HSPG2: variants seen among roughly 807,000 people sequenced by gnomAD.
The protein encoded by HSPG2 is heparan sulfate proteoglycan 2.
A neutral mutation model predicts 526.6 loss-of-function variants in HSPG2; 278 were observed. The observed-to-expected ratio is 0.53, with a 90% confidence interval of 0.48 to 0.58. HSPG2 has a LOEUF of 0.58. Among genes scored for constraint, HSPG2 ranks in the 20% least tolerant of loss-of-function variants. The probability of loss-of-function intolerance (pLI) is 0.00; values close to 1 mark genes in which losing one functional copy is unlikely to be tolerated. For synonymous variants in HSPG2, 2,465 were observed against 2,555.4 expected, an observed-to-expected ratio of 0.96 and a Z score of 1.07; for missense variants, 5,354 against 6,099.5, an observed-to-expected ratio of 0.88 and a Z score of 4.07.
At chr1:21,832,831 A>G in intron 80 of HSPG2, 2 of 594,110 alleles carry the variant, frequency 3.4e-6, no homozygotes, top group South Asian at 4.1e-5. Context: ...TGCTTCACAC[A>G]CACTGGAGTC....
chr1:21,845,704 C>A (rs1489433382), intron 64 of HSPG2, among the ~76,000 whole-genome samples: 1 of 152,138 alleles, frequency 6.6e-6, no homozygotes, highest in Non-Finnish European at 1.5e-5. Context: ...AATCACCCTC[C>A]AATACTCGCA....
Position 21,885,131 on chromosome 1 carries a change from G to A in HSPG2, c.1237C>T (p.Arg413Trp), listed in dbSNP as rs745376918. Residue 413 changes from arginine (R) to tryptophan (W), a missense_variant, in exon 11 of 97, where the codon CGG becomes TGG. Transcript: ENST00000374695. Reference sequence around the variant, plus strand: ...CCCCGGGAAGCCTGGATGGACTCCCGGGGAGGTGTCACCACCTGGGGGGGC... The same window carrying A: ...CCCCGGGAAGCCTGGATGGACTCCCAGGGAGGTGTCACCACCTGGGGGGGC... ...CMPPQVVTPP[R>W]ESIQASRGQT... is the part of the protein sequence containing the mutation. The A allele has an allele frequency of 5.0e-5, 80 of 1,610,692 alleles. No individual in the cohort carries two copies. The highest frequency in any genetic ancestry group is 2.5e-4 in the East Asian group (11 of 44,804).
rs150648539 is a variant in HSPG2 at position 21,884,597 on chromosome 1, C to A, written c.1585G>T (p.Val529Leu). The A allele has an allele frequency of 1.2e-6, 2 of 1,610,786 alleles. No homozygotes were observed. Among genetic ancestry groups the A allele is most frequent in the East Asian group, 4.5e-5 (2 of 44,872 alleles). The change falls in exon 13 of 97, where the codon GTG becomes TTG. Residue 529 changes from valine to leucine, a missense_variant. Transcript: ENST00000374695. ...LPCFCFGITS[V>L]CQSTRRFRDQ... ...CGGAAGCGGCGGGTGCTCTGGCACA[C>A]GCTGGTGATGCCAAAGCAGAAGCAG...
At chr1:21,845,997 C>T (rs1638400539) in intron 64 of HSPG2, 111 bp downstream of exon 64, 5 of 1,302,392 alleles carry the variant, frequency 3.8e-6, no homozygotes, top group Admixed American at 1.7e-5. Context: ...GGAATCAGAG[C>T]GGCAGTTCTC....
chr1:21,860,728 G>A (rs1472074747), intron 39 of HSPG2, among the ~76,000 whole-genome samples: 8 of 151,992 alleles, frequency 5.3e-5, no homozygotes, highest in Non-Finnish European at 8.8e-5. Flanking sequence ...CTCATGATCC[G>A]CCCACCTCAG....
At chr1:21,891,071 G>T (rs1642325462) in intron 3 of HSPG2, among the ~76,000 whole-genome samples, 1 of 152,136 alleles carries the variant, frequency 6.6e-6, no homozygotes, top group African/African-American at 2.4e-5. Context: ...AGCCTTCCTC[G>T]GTCAGTTCCT....
chr1:21,937,155 C>T lies in HSPG2; in HGVS notation c.63G>A (p.Ala21=). Residue 21 remains alanine, a splice_region_variant and synonymous_variant, in exon 1 of 97, where the codon GCG becomes GCA. Transcript: ENST00000374695. ...LALLLHGRLL[A]VTHGLRAYDG... is the part of the protein sequence containing the mutation. ...CCGCCCCTCTGCCCCGCACACTCAC[C>T]GCCAGCAGCCGCCCGTGCAGCAGCA... 9.9e-7 allele frequency: 1 copy of T among 1,013,156 alleles called. No individual in the cohort carries two copies. The highest frequency in any genetic ancestry group is 1.2e-6 in the Non-Finnish European group (1 of 813,194). The allele number at this position is 1,013,156 out of a possible 1,614,324, so 62.8% of individuals were successfully genotyped here.
rs752745046 is a variant in HSPG2, at chr1:21,848,770, C to A, written c.7610G>T (p.Arg2537Leu). 6.2e-7 allele frequency: 1 copy of A among 1,613,638 alleles called. No homozygotes were observed. Among genetic ancestry groups the A allele is most frequent in the Non-Finnish European group, 8.5e-7 (1 of 1,179,994 alleles). ...SHSQGVAYPV[R>L]IESSSASLAN... ...CAGGGAGGCTGAGGAGGACTCGATG[C>A]GGACGGGGTACGCCACACCCTGGGC... The change falls in exon 59 of 97, where the codon CGC (arginine) becomes CTC (leucine). Residue 2537 changes from arginine (R) to leucine (L), a missense_variant. By Grantham distance (102) the Arg-to-Leu change is moderately radical. Coordinates refer to ENST00000374695, the MANE Select transcript of HSPG2 (RefSeq NM_005529.7). The surrounding 1 kb of genome is among the most constrained non-coding windows in gnomAD (Gnocchi z 4.9).
In HSPG2 at chr1:21,864,301, C is replaced by A. The variant is rs1293964631; in HGVS notation, c.4627-88G>T. The A allele has an allele frequency of 5.6e-6, 6 of 1,074,596 alleles. No individual in the cohort carries two copies. The highest frequency in any genetic ancestry group is 5.6e-6 in the Non-Finnish European group (4 of 714,332). The allele number at this position is 1,074,596 out of a possible 1,614,324, so 66.6% of individuals were successfully genotyped here. On this transcript the variant is annotated intron_variant, in intron 36 of 96. Transcript: ENST00000374695. This position sits in a 1 kb window ranked among gnomAD's most constrained non-coding sequence, Gnocchi z 4.8. ...CAGAACCCCTCCCTCCAGTGTCCTCCCAGGGGTGACCCTGGAACATCACAG... is the reference window on the plus strand; with the variant it reads ...CAGAACCCCTCCCTCCAGTGTCCTCACAGGGGTGACCCTGGAACATCACAG...
chr1:21,828,290 T>C lies in HSPG2; in HGVS notation c.12374A>G (p.Tyr4125Cys). Residue 4125 changes from tyrosine (Y) to cysteine (C), a missense_variant, in exon 89 of 97, where the codon TAT becomes TGT. Tyr to Cys is a radical substitution (Grantham distance 194). Transcript: ENST00000374695. This position sits in a 1 kb window ranked among gnomAD's most constrained non-coding sequence, Gnocchi z 6.0. ...ATCTCGACACAGGCACTGGAACTCA[T>C]ACTCGCCAGCGGGCATGCACGTGGC... ...HGATCMPAGE[Y>C]EFQCLCRDGF... is the part of the protein sequence containing the mutation. 2 of 1,613,768 alleles carry C rather than the reference T, an allele frequency of 1.2e-6. No individual in the cohort carries two copies. The highest frequency in any genetic ancestry group is 1.7e-6 in the Non-Finnish European group (2 of 1,180,018).
chr1:21,895,956 G>A lies in HSPG2; in HGVS notation c.210C>T (p.Gly70=). The change falls in exon 3 of 97, where the codon GGC becomes GGT. Residue 70 remains glycine, a synonymous_variant. Transcript: ENST00000374695. The surrounding 1 kb of genome is among the most constrained non-coding windows in gnomAD (Gnocchi z 4.1). The part of the protein sequence containing the change: ...LADSISGDDL[G]SGDLGSGDFQ... The stretch of plus-strand genomic sequence containing the variant: ...AGTCCCCGCTGCCCAGGTCCCCACT[G>A]CCCAGGTCGTCTATAAGCAAAAAAG... 6.2e-7 allele frequency: 1 copy of A among 1,614,104 alleles called. No homozygotes were observed. The highest frequency in any genetic ancestry group is 8.5e-7 in the Non-Finnish European group (1 of 1,179,954).
intron 74 of HSPG2, among the ~76,000 whole-genome samples, chr1:21,837,383 C>T (rs562361478): frequency 3.9e-5 from 6 of 152,168 alleles, no homozygotes; most frequent in South Asian, 2.1e-4. Flanking sequence ...CGGGTTCAAG[C>T]GATTCTCCTG....
chr1:21,932,269 G>A (rs1330861535), intron 1 of HSPG2, among the ~76,000 whole-genome samples: 1 of 152,172 alleles, frequency 6.6e-6, no homozygotes, highest in Non-Finnish European at 1.5e-5. Context: ...CCCACGACAA[G>A]CACATGGGGC....
chr1:21,859,832 T>C lies in HSPG2; in HGVS notation c.5182+3A>G. ...GGGCTGAGGAGCCTAGGGCCATGGG[T>C]ACCTTGATGTCGCTGCTGGGTGCCG... On this transcript the variant is annotated splice_donor_region_variant and intron_variant, in intron 41 of 96. Coordinates refer to ENST00000374695, the MANE Select transcript of HSPG2 (RefSeq NM_005529.7). The surrounding 1 kb of genome is among the most constrained non-coding windows in gnomAD (Gnocchi z 5.3). The C allele has an allele frequency of 1.2e-6, 2 of 1,611,064 alleles. No homozygotes were observed. Among genetic ancestry groups the C allele is most frequent in the Non-Finnish European group, 8.5e-7 (1 of 1,179,502 alleles).
At chr1:21,851,751 T>G (rs1269749009) in intron 54 of HSPG2, 40 bp downstream of exon 54, 1 of 1,614,016 alleles carries the variant, frequency 6.2e-7, no homozygotes, top group Admixed American at 1.7e-5. Context: ...CACTCCAGCC[T>G]GTTCTCTGCA....
chr1:21,826,440 G>A (rs1314916466), intron 91 of HSPG2, among the ~76,000 whole-genome samples: 1 of 151,956 alleles, frequency 6.6e-6, no homozygotes, highest in Non-Finnish European at 1.5e-5. Context: ...CTGGGCTCAA[G>A]CAATCTGCCC....
In HSPG2 at chr1:21,834,722, G is replaced by A. The variant is rs138049720; in HGVS notation, c.10677C>T (p.Asn3559=). The part of the protein sequence containing the change: ...DAGQYRCTAT[N]AAGTTQSHVL... ...CGTGGGATTGTGTGGTGCCAGCTGC[G>A]TTGGTGGCAGTGCAGCGATACTGTC... The change falls in exon 77 of 97, where the codon AAC becomes AAT. Residue 3559 remains asparagine (N), a synonymous_variant. Coordinates refer to ENST00000374695, the MANE Select transcript of HSPG2 (RefSeq NM_005529.7). The A allele has an allele frequency of 3.2e-3, 5,235 of 1,614,174 alleles. 11 individuals are homozygous for A. The highest frequency in any genetic ancestry group is 4.1e-3 in the Non-Finnish European group (4,823 of 1,180,042).
intron 86 of HSPG2, 49 bp from the exon 87 acceptor site, chr1:21,829,653 G>A (rs2097993535): frequency 1.3e-6 from 2 of 1,492,006 alleles, no homozygotes; most frequent in Non-Finnish European, 1.8e-6. Flanking sequence ...TGGACCCTCG[G>A]GTGGGGTCCA....
In HSPG2 at chr1:21,848,309, C is replaced by T. The variant is rs529593780; in HGVS notation, c.7738-216G>A. ...CTCCAGAAAGCCTGTTAAGGCCCTC[C>T]GGAGTGTTGACACAGTATCCTGCTG... is the stretch of plus-strand genomic sequence containing the variant. On this transcript the variant is annotated intron_variant, in intron 59 of 96. Transcript: ENST00000374695. The surrounding 1 kb of genome is among the most constrained non-coding windows in gnomAD (Gnocchi z 4.9). Among the ~76,000 whole-genome samples, 251 of 152,258 alleles carry T rather than the reference C, an allele frequency of 1.6e-3. No homozygotes were observed. Among genetic ancestry groups the T allele is most frequent in the African/African-American group, 5.0e-3 (206 of 41,534 alleles).
Sources: allele counts gnomAD v4.1 joint callset (sites outside exome capture counted in the v4.1 genomes callset), GRCh38; gene constraint gnomAD v4.1.1; non-coding constraint Gnocchi (gnomAD v3.1); transcripts MANE v1.5; gene names NCBI Gene and HGNC (gene_info 2026-07-23, HGNC 2026-07-21).